Variants in LRRC4C observed in about 807,000 individuals in gnomAD.
The protein encoded by LRRC4C is leucine rich repeat containing 4C.
In LRRC4C, 5 loss-of-function variants were observed where a neutral mutation model predicts 33.6. The ratio of observed to expected loss-of-function variants is 0.15; its 90% CI spans 0.08 to 0.31. The LOEUF (loss-of-function observed/expected upper bound fraction) is 0.31. Ranked by LOEUF, LRRC4C falls within the 10% of genes least tolerant of loss-of-function variation. The probability of loss-of-function intolerance (pLI) is 1.00; values close to 1 mark genes in which losing one functional copy is unlikely to be tolerated. For synonymous variants in LRRC4C, 329 were observed against 302.0 expected (o/e 1.09, Z -0.93); for missense variants, 560 against 796.7 (o/e 0.70, Z 3.58).
chr11:40,809,523 C>A (rs555004917), intron 2 of LRRC4C, among the ~76,000 whole-genome samples: 1 of 152,222 alleles, frequency 6.6e-6, no homozygotes, highest in African/African-American at 2.4e-5. Flanking sequence ...TCCCCTGCTG[C>A]ATTTTTTTCT....
intron 3 of LRRC4C, among the ~76,000 whole-genome samples, chr11:40,392,473 T>C (rs1334754071): frequency 1.3e-5 from 2 of 152,086 alleles, no homozygotes; most frequent in African/African-American, 4.8e-5. Context: ...TTCTGTAAAC[T>C]TAAAATTGCT....
At chr11:40,547,234 G>A (rs1347108872) in intron 3 of LRRC4C, among the ~76,000 whole-genome samples, 1 of 152,076 alleles carries the variant, frequency 6.6e-6, no homozygotes, top group African/African-American at 2.4e-5. Flanking sequence ...GCACCTTTAT[G>A]AGCTTCATTT....
chr11:40,708,359 A>C (rs1283047916), intron 2 of LRRC4C, among the ~76,000 whole-genome samples: 1 of 152,072 alleles, frequency 6.6e-6, no homozygotes, highest in African/African-American at 2.4e-5. Flanking sequence ...TAGTGCTATA[A>C]ATTTCCCTCT....
chr11:41,206,711 C>T (rs1335010829), intron 1 of LRRC4C, among the ~76,000 whole-genome samples: 2 of 152,162 alleles, frequency 1.3e-5, no homozygotes, highest in Non-Finnish European at 2.9e-5. Flanking sequence ...AGAGAGAAGA[C>T]AAACAGACAT....
chr11:41,152,188 T>C (rs1284329990), intron 1 of LRRC4C, among the ~76,000 whole-genome samples: 1 of 152,204 alleles, frequency 6.6e-6, no homozygotes, highest in Non-Finnish European at 1.5e-5. Flanking sequence ...CACCAGCCTT[T>C]ATGGATTCCT....
intron 1 of LRRC4C, among the ~76,000 whole-genome samples, chr11:41,334,523 A>G (rs539102241): frequency 2.6e-4 from 39 of 152,214 alleles, no homozygotes; most frequent in Non-Finnish European, 5.3e-4. Flanking sequence ...GGGGGCAATT[A>G]TAACACTAAG....
At chr11:40,271,790 G>A (rs1242924320) in intron 4 of LRRC4C, among the ~76,000 whole-genome samples, 2 of 152,106 alleles carry the variant, frequency 1.3e-5, no homozygotes, top group African/African-American at 2.4e-5. Flanking sequence ...TGACATCAAT[G>A]GATTCATTTC....
intron 1 of LRRC4C, among the ~76,000 whole-genome samples, chr11:40,947,463 C>CT (rs1555013021): frequency 6.6e-6 from 1 of 152,050 alleles, no homozygotes; most frequent in Non-Finnish European, 1.5e-5. Context: ...TGAGGCAAGT[C>CT]TTTTTTGTAT....
intron 1 of LRRC4C, among the ~76,000 whole-genome samples, chr11:41,219,375 T>A (rs1947203735): frequency 6.6e-6 from 1 of 152,092 alleles, no homozygotes. Context: ...AGCGGGTCAT[T>A]GGGAAGAAAG....
At chr11:40,925,217 T>C (rs1957366436) in intron 2 of LRRC4C, among the ~76,000 whole-genome samples, 1 of 152,104 alleles carries the variant, frequency 6.6e-6, no homozygotes, top group African/African-American at 2.4e-5. Flanking sequence ...TAAAAACCCA[T>C]GTGATTATGT....
intron 3 of LRRC4C, among the ~76,000 whole-genome samples, chr11:40,630,339 T>A (rs1283088963): frequency 1.3e-4 from 3 of 23,528 alleles, no homozygotes; most frequent in African/African-American, 2.0e-4. Flanking sequence ...CCTCTTCTTC[T>A]TCTTCTTCTT....
At chr11:41,170,472 T>A (rs1944924461) in intron 1 of LRRC4C, among the ~76,000 whole-genome samples, 1 of 152,216 alleles carries the variant, frequency 6.6e-6, no homozygotes, top group African/African-American at 2.4e-5. Flanking sequence ...CTATTTGATC[T>A]TTGACAAGCC....
At chr11:40,514,898 G>C (rs77949990) in intron 3 of LRRC4C, among the ~76,000 whole-genome samples, 1 of 152,090 alleles carries the variant, frequency 6.6e-6, no homozygotes. Flanking sequence ...TTCTTGACAT[G>C]GGACTAGAGT....
chr11:40,888,317 T>C (rs1179113333), intron 2 of LRRC4C, among the ~76,000 whole-genome samples: 3 of 151,972 alleles, frequency 2.0e-5, no homozygotes, highest in Non-Finnish European at 2.9e-5. Context: ...GGCTTTCTTA[T>C]TTTTGTCTCT....
chr11:40,905,314 C>T (rs1278039654), intron 2 of LRRC4C, among the ~76,000 whole-genome samples: 5 of 151,946 alleles, frequency 3.3e-5, no homozygotes, highest in Admixed American at 6.6e-5. Flanking sequence ...CCCAGTTTCA[C>T]GTGTCTAAGT....
At chr11:40,993,268 C>G (rs1853714268) in intron 1 of LRRC4C, among the ~76,000 whole-genome samples, 1 of 152,016 alleles carries the variant, frequency 6.6e-6, no homozygotes, top group Admixed American at 6.6e-5. Flanking sequence ...ATATTGGGCA[C>G]ATATAATTTT....
intron 5 of LRRC4C, among the ~76,000 whole-genome samples, chr11:40,240,780 AAC>A (rs1226542807): frequency 1.3e-5 from 2 of 152,090 alleles, no homozygotes; most frequent in Non-Finnish European, 2.9e-5. Flanking sequence ...AGTAATGAGT[AAC>A]ACAATATAGG....
chr11:40,549,527 AG>A (rs1957055370), intron 3 of LRRC4C, among the ~76,000 whole-genome samples: 1 of 152,234 alleles, frequency 6.6e-6, no homozygotes, highest in African/African-American at 2.4e-5. Context: ...TTGATGTTCA[AG>A]TATAAATGTA....
At chr11:41,172,459 C>G (rs1040948754) in intron 1 of LRRC4C, among the ~76,000 whole-genome samples, 2 of 152,146 alleles carry the variant, frequency 1.3e-5, no homozygotes, top group Non-Finnish European at 2.9e-5. Context: ...CTATTCCTTT[C>G]CTTCAAAGGT....
Sources: allele counts gnomAD v4.1 joint callset (sites outside exome capture counted in the v4.1 genomes callset), GRCh38; gene constraint gnomAD v4.1.1; transcripts MANE v1.5; gene names NCBI Gene and HGNC (gene_info 2026-07-23, HGNC 2026-07-21).